Variants in CMIP observed in about 807,000 individuals in gnomAD.
The protein encoded by CMIP is c-Maf inducing protein.
CMIP carries 13 observed loss-of-function variants against 97.3 expected under a neutral mutation model. The observed-to-expected ratio is 0.13, with a 90% CI of 0.09 to 0.21. The LOEUF is 0.21. Ranked by LOEUF, CMIP falls within the 10% of genes least tolerant of loss-of-function variation. The pLI, the probability that CMIP is intolerant of heterozygous loss-of-function variation, is 1.00. For missense variants in CMIP, 847 were observed against 1,024.9 expected (o/e 0.83, Z 2.37); for synonymous variants, 538 against 436.3 (o/e 1.23, Z -2.91).
intron 1 of CMIP, among the ~76,000 whole-genome samples, chr16:81,510,646 C>T (rs11865841): frequency 0.2 from 30,073 of 152,064 alleles, 3,623 homozygotes; most frequent in Admixed American, 0.31. Context: ...CTGTGATGGA[C>T]CAGTCCAAGA....
intron 1 of CMIP, among the ~76,000 whole-genome samples, chr16:81,557,546 A>G (rs2090789686): frequency 6.6e-6 from 1 of 152,226 alleles, no homozygotes; most frequent in Non-Finnish European, 1.5e-5. Context: ...AACAAATCCA[A>G]AAATAAAATA....
chr16:81,551,115 C>G (rs1385202030), intron 1 of CMIP, among the ~76,000 whole-genome samples: 2 of 150,236 alleles, frequency 1.3e-5, no homozygotes, highest in Non-Finnish European at 1.5e-5. Flanking sequence ...ACATATATCC[C>G]AGTTCCATCA....
intron 13 of CMIP, 93 bp from the exon 14 acceptor site, chr16:81,696,467 C>T: frequency 7.8e-7 from 1 of 1,283,334 alleles, no homozygotes; most frequent in South Asian, 1.3e-5. Context: ...GCAGGACTTG[C>T]CTGAGCCTTT....
In CMIP at chr16:81,641,129, C is replaced by A. The variant is rs148865780; in HGVS notation, c.478-11074C>A. On this transcript the variant is annotated intron_variant, in intron 3 of 20. Coordinates refer to ENST00000537098, the MANE Select transcript of CMIP (RefSeq NM_198390.3). ...CCAGGCCTCGCCCAGCTCTGCTGAG[C>A]TGGAATCTGCATGGTAACCAGACCC... Among the ~76,000 whole-genome samples, 1,287 of 152,278 alleles carry A rather than the reference C, an allele frequency of 8.5e-3. 6 individuals carry two copies. The highest frequency in any genetic ancestry group is 0.014 in the Non-Finnish European group (945 of 68,024).
intron 3 of CMIP, chr16:81,645,327 G>T: frequency 7.4e-7 from 1 of 1,353,132 alleles, no homozygotes; most frequent in Non-Finnish European, 9.6e-7. Flanking sequence ...CTCTCTTCAC[G>T]ACAGGTGGTG....
chr16:81,701,514 T>A, intron 15 of CMIP, 146 bp from the exon 16 acceptor site: 1 of 1,062,774 alleles, frequency 9.4e-7, no homozygotes, highest in Non-Finnish European at 1.4e-6. Context: ...GTTGGGCAGG[T>A]GATTTGCCCA....
intron 3 of CMIP, among the ~76,000 whole-genome samples, chr16:81,641,015 A>C (rs546500610): frequency 6.6e-5 from 10 of 152,148 alleles, no homozygotes; most frequent in African/African-American, 2.4e-4. Flanking sequence ...CAGCACGTCC[A>C]CCATGAAATG....
chr16:81,634,772 G>A (rs1357019662), intron 3 of CMIP, among the ~76,000 whole-genome samples: 7 of 152,188 alleles, frequency 4.6e-5, no homozygotes, highest in African/African-American at 7.2e-5. Flanking sequence ...TGTAGTAGGC[G>A]CCGGTGACTC....
At chr16:81,608,912 T>C (rs2091786190) in intron 2 of CMIP, among the ~76,000 whole-genome samples, 1 of 152,220 alleles carries the variant, frequency 6.6e-6, no homozygotes, top group African/African-American at 2.4e-5. Flanking sequence ...AAGAGATGCT[T>C]TCTAAAAACC....
At chr16:81,636,955 C>A (rs1431691297) in intron 3 of CMIP, among the ~76,000 whole-genome samples, 1 of 151,854 alleles carries the variant, frequency 6.6e-6, no homozygotes, top group African/African-American at 2.4e-5. Flanking sequence ...CAGGTGGAAT[C>A]CACGGCAGAT....
chr16:81,477,597 T>C (rs1418939248), intron 1 of CMIP, among the ~76,000 whole-genome samples: 1 of 152,236 alleles, frequency 6.6e-6, no homozygotes, highest in African/African-American at 2.4e-5. Context: ...AACTCCTTGC[T>C]CCTGCATGTA....
intron 8 of CMIP, among the ~76,000 whole-genome samples, 181 bp from the exon 9 acceptor site, chr16:81,671,785 C>T (rs1193428860): frequency 6.6e-6 from 1 of 152,252 alleles, no homozygotes; most frequent in Non-Finnish European, 1.5e-5. Context: ...CTGCACGTGG[C>T]ACAGCCGGGG....
chr16:81,702,778 G>A (rs1038259691), intron 17 of CMIP, 109 bp downstream of exon 17: 19 of 937,724 alleles, frequency 2.0e-5, no homozygotes, highest in East Asian at 1.8e-4. Flanking sequence ...GATGGAGGGC[G>A]GGGCACAAGG....
intron 1 of CMIP, among the ~76,000 whole-genome samples, chr16:81,547,511 G>T (rs1486463825): frequency 6.6e-6 from 1 of 152,186 alleles, no homozygotes; most frequent in Non-Finnish European, 1.5e-5. Context: ...GGTTTGCGGG[G>T]TCAGGGCTGG....
intron 1 of CMIP, among the ~76,000 whole-genome samples, chr16:81,516,495 G>C (rs2089916779): frequency 6.6e-6 from 1 of 152,054 alleles, no homozygotes; most frequent in African/African-American, 2.4e-5. Context: ...CCCTTCCCTG[G>C]ACACTCTCCC....
At chr16:81,471,601 A>G (rs1377634745) in intron 1 of CMIP, among the ~76,000 whole-genome samples, 1 of 152,228 alleles carries the variant, frequency 6.6e-6, no homozygotes. Context: ...ACAGTTATAC[A>G]GTAGTCCACT....
At chr16:81,493,617 C>G (rs959600292) in intron 1 of CMIP, among the ~76,000 whole-genome samples, 1 of 152,240 alleles carries the variant, frequency 6.6e-6, no homozygotes, top group African/African-American at 2.4e-5. Flanking sequence ...GGCAGTGTGG[C>G]GAGTTAGGTC....
chr16:81,658,084 T>G (rs1373147124), intron 5 of CMIP, among the ~76,000 whole-genome samples: 1 of 152,214 alleles, frequency 6.6e-6, no homozygotes, highest in African/African-American at 2.4e-5. Context: ...CGTCTCTGCC[T>G]AGGGAGTTGA....
chr16:81,679,536 T>C (rs1904652765), intron 10 of CMIP, among the ~76,000 whole-genome samples: 1 of 151,974 alleles, frequency 6.6e-6, no homozygotes, highest in Admixed American at 6.5e-5. Flanking sequence ...CAGGAGTGTG[T>C]GAGTCTGTCT....
Sources: allele counts gnomAD v4.1 joint callset (sites outside exome capture counted in the v4.1 genomes callset), GRCh38; gene constraint gnomAD v4.1.1; transcripts MANE v1.5; gene names NCBI Gene and HGNC (gene_info 2026-07-23, HGNC 2026-07-21).